Variants in ITPR1 observed in about 807,000 individuals in gnomAD.
ITPR1 encodes the protein inositol 1,4,5-trisphosphate-gated calcium channel ITPR1.
Under a neutral mutation model 318.4 loss-of-function variants are expected in ITPR1, and 96 were observed. The observed-to-expected ratio is 0.30, with a 90% confidence interval of 0.26 to 0.36. The LOEUF (loss-of-function observed/expected upper bound fraction) is 0.36, where lower values mean the gene tolerates loss of function less well. Among genes scored for constraint, ITPR1 ranks in the 10% least tolerant of loss-of-function variants. ITPR1 has a pLI of 1.00. For missense variants in ITPR1, 2,440 were observed against 3,460.2 expected, an observed-to-expected ratio of 0.71 and a Z score of 7.40; for synonymous variants, 1,312 against 1,289.9, an observed-to-expected ratio of 1.02 and a Z score of -0.37.
At chr3:4,649,979 A>G (rs1296911660) in intron 10 of ITPR1, among the ~76,000 whole-genome samples, 1 of 152,252 alleles carries the variant, frequency 6.6e-6, no homozygotes, top group Non-Finnish European at 1.5e-5. Flanking sequence ...CAACCTATGA[A>G]TAATGAGAGG....
Position 4,836,967 on chromosome 3 carries a change from C to T in ITPR1, c.8190+32C>T, listed in dbSNP as rs571126716. On this transcript the variant is annotated intron_variant, in intron 61 of 61. Coordinates refer to ENST00000649015, the MANE Select transcript of ITPR1 (RefSeq NM_001378452.1). ...AAAGAAAATCCCAGCGCCTACCCTC[C>T]CATCACTATCCCCACCCACACCCAC... is the stretch of plus-strand genomic sequence containing the variant. 365 of 1,523,060 alleles carry T rather than the reference C, an allele frequency of 2.4e-4. 4 individuals are homozygous for T. The East Asian group carries it at 8.2e-3, about 34-fold the overall frequency. The allele number at this position is 1,523,060 out of a possible 1,614,324, so 94.3% of individuals were successfully genotyped here. A position where few individuals can be genotyped will look rare whatever the true frequency, so the allele number is the denominator to read the frequency against.
In ITPR1 at chr3:4,543,265, AAAAAAAAAGAG is replaced by A. The variant is rs1024963790; in HGVS notation, c.163+22182_163+22192del. Among the ~76,000 whole-genome samples the A allele has an allele frequency of 2.6e-5, 4 of 151,858 alleles. No homozygotes were observed. The East Asian group carries it at 7.7e-4, about 29-fold the overall frequency. On this transcript the variant is annotated intron_variant, in intron 4 of 61. Transcript: ENST00000649015. ...CGACAGAGCAAGAGCCTGTCTCAAAAAAAAAAAAGAGAAAAAAAAGAAAAAAGCAATTCTAG... is the reference window on the plus strand; with the variant it reads ...CGACAGAGCAAGAGCCTGTCTCAAAAAAAAAAAAGAAAAAAGCAATTCTAG...
intron 51 of ITPR1, among the ~76,000 whole-genome samples, chr3:4,787,712 T>C (rs183010910): frequency 1.3e-5 from 2 of 151,830 alleles, no homozygotes; most frequent in Admixed American, 1.3e-4. Flanking sequence ...CTCAAAAAAA[T>C]AAAAATTAAA....
Position 4,775,228 on chromosome 3 carries a change from C to A in ITPR1, c.5980-14C>A, listed in dbSNP as rs1486347795. 6.2e-7 allele frequency: 1 copy of A among 1,604,772 alleles called. No individual in the cohort carries two copies. Among genetic ancestry groups the A allele is most frequent in the Non-Finnish European group, 8.5e-7 (1 of 1,171,468 alleles). On this transcript the variant is annotated splice_polypyrimidine_tract_variant and intron_variant, in intron 46 of 61. Transcript: ENST00000649015. The stretch of plus-strand genomic sequence containing the variant: ...TGCCTTTGCTCACCGAACCTGGGGA[C>A]TACCCAATTGCAGAACTTCCTCCGT...
intron 2 of ITPR1, among the ~76,000 whole-genome samples, chr3:4,513,053 G>A (rs1368963342): frequency 6.6e-6 from 1 of 152,144 alleles, no homozygotes; most frequent in Non-Finnish European, 1.5e-5. Flanking sequence ...CATGGTGTGA[G>A]TGACATAGGA....
chr3:4,777,501 C>T (rs1296745210), intron 48 of ITPR1, 127 bp downstream of exon 48: 2 of 639,330 alleles, frequency 3.1e-6, no homozygotes, highest in Non-Finnish European at 5.7e-6. Flanking sequence ...AAATGAATGA[C>T]CCAGGTTGCT....
In ITPR1 at chr3:4,677,401, G is replaced by A. The variant is rs75897326; in HGVS notation, c.2967+600G>A. 1.1e-3 allele frequency among the ~76,000 whole-genome samples: 170 copies of A among 152,294 alleles called. 2 individuals are homozygous for A. The East Asian group carries it at 0.023, about 20-fold the overall frequency. ...TGTTTGGAGACACTGAGGACAGGGG[G>A]CTGGGGTTATTGTGTTTGGTGAGGT... On this transcript the variant is annotated intron_variant, in intron 24 of 61. Transcript: ENST00000649015.
intron 4 of ITPR1, among the ~76,000 whole-genome samples, chr3:4,607,430 G>C (rs369174598): frequency 6.6e-6 from 1 of 152,120 alleles, no homozygotes; most frequent in Non-Finnish European, 1.5e-5. Context: ...ACCCAGGTCC[G>C]TGTGTTTTAA....
intron 4 of ITPR1, among the ~76,000 whole-genome samples, chr3:4,544,204 G>A (rs2084743805): frequency 1.3e-5 from 2 of 152,182 alleles, no homozygotes; most frequent in African/African-American, 4.8e-5. Context: ...AAGCAGCCAG[G>A]TCACCATGTG....
At chr3:4,568,449 C>T (rs961353413) in intron 4 of ITPR1, among the ~76,000 whole-genome samples, 4 of 152,148 alleles carry the variant, frequency 2.6e-5, no homozygotes, top group African/African-American at 9.7e-5. Flanking sequence ...TGGAGCTAAC[C>T]TCACCCAAAA....
chr3:4,537,123 GT>G (rs1337217567), intron 4 of ITPR1, among the ~76,000 whole-genome samples: 3 of 152,076 alleles, frequency 2.0e-5, no homozygotes, highest in African/African-American at 7.3e-5. Flanking sequence ...TCCTCTTCGG[GT>G]TTTGATATCA....
chr3:4,609,162 G>A (rs1301471373), intron 4 of ITPR1, among the ~76,000 whole-genome samples: 2 of 145,956 alleles, frequency 1.4e-5, no homozygotes, highest in Admixed American at 1.4e-4. Flanking sequence ...GAGGGGTGGG[G>A]TCATTCTTGA....
intron 4 of ITPR1, among the ~76,000 whole-genome samples, chr3:4,543,627 G>C (rs1434839498): frequency 6.6e-6 from 1 of 152,122 alleles, no homozygotes; most frequent in Admixed American, 6.5e-5. Context: ...ATTTTTAGTA[G>C]AGATGGGGTT....
At chr3:4,665,375 G>A in intron 17 of ITPR1, 79 bp downstream of exon 17, 1 of 1,321,780 alleles carries the variant, frequency 7.6e-7, no homozygotes, top group Non-Finnish European at 1.1e-6. Context: ...AGTTTTTAGT[G>A]TCACATGTCT....
intron 37 of ITPR1, among the ~76,000 whole-genome samples, chr3:4,709,414 A>G (rs1316643718): frequency 6.6e-6 from 1 of 152,212 alleles, no homozygotes; most frequent in Non-Finnish European, 1.5e-5. Flanking sequence ...AGATTAGTTA[A>G]TTCTTTGTCA....
At chr3:4,565,815 A>G (rs867465414) in intron 4 of ITPR1, among the ~76,000 whole-genome samples, 8 of 152,272 alleles carry the variant, frequency 5.3e-5, no homozygotes, top group Admixed American at 1.3e-4. Flanking sequence ...AACTTCAGAA[A>G]TTTGGAGATG....
At chr3:4,545,924 T>A (rs1009185090) in intron 4 of ITPR1, among the ~76,000 whole-genome samples, 1 of 152,084 alleles carries the variant, frequency 6.6e-6, no homozygotes, top group Non-Finnish European at 1.5e-5. Context: ...TTTGAACTCC[T>A]GAGCTCAAGC....
In ITPR1 at chr3:4,680,668, A is replaced by C; in HGVS notation, c.3083A>C (p.Gln1028Pro). The C allele has an allele frequency of 6.2e-7, 1 of 1,612,996 alleles. No individual in the cohort carries two copies. Among genetic ancestry groups the C allele is most frequent in the Non-Finnish European group, 8.5e-7 (1 of 1,179,362 alleles). Reference sequence around the variant, plus strand: ...GAAACATCCTCCGGAAACAGCAGCCAAGAAGGGCCAAGTAATGTACCAGGT... The same window carrying C: ...GAAACATCCTCCGGAAACAGCAGCCCAGAAGGGCCAAGTAATGTACCAGGT... ...TSETSSGNSS[Q>P]EGPSNVPGAL... Residue 1028 changes from glutamine to proline, a missense_variant, in exon 25 of 62, where the codon CAA (glutamine) becomes CCA (proline). This residue lies in a region of ITPR1 where 57 missense variants were observed against 46.2 expected (regional missense o/e 1.23). Coordinates refer to ENST00000649015, the MANE Select transcript of ITPR1 (RefSeq NM_001378452.1).
intron 12 of ITPR1, among the ~76,000 whole-genome samples, chr3:4,654,643 T>A (rs778417455): frequency 6.6e-6 from 1 of 152,242 alleles, no homozygotes; most frequent in Non-Finnish European, 1.5e-5. Context: ...GTCTACACGA[T>A]GATCTCAGCA....
Sources: gnomAD v4.1 joint callset for allele counts (sites outside exome capture counted in the v4.1 genomes callset) on GRCh38, gnomAD v4.1.1 for gene constraint, gnomAD v4.1.1 regional missense constraint, MANE v1.5 for transcripts, NCBI Gene and HGNC (gene_info 2026-07-23, HGNC 2026-07-21) for gene names.